The following DUSP10 variants were observed in gnomAD, a reference collection of about 807,000 sequenced individuals.
The protein encoded by DUSP10 is dual specificity protein phosphatase 10.
In DUSP10, 14 loss-of-function variants were observed where a neutral mutation model predicts 30.8. The ratio of observed to expected loss-of-function variants is 0.46; its 90% confidence interval spans 0.30 to 0.71. The LOEUF is 0.71. Ranked by LOEUF, DUSP10 falls within the 30% of genes least tolerant of loss-of-function variation. The pLI is 0.08. For synonymous variants in DUSP10, 254 were observed against 250.4 expected (o/e 1.01, Z -0.14); for missense variants, 550 against 619.4 (o/e 0.89, Z 1.19).
intron 2 of DUSP10, among the ~76,000 whole-genome samples, chr1:221,726,615 G>A (rs1424529479): frequency 6.7e-6 from 1 of 148,834 alleles, no homozygotes; most frequent in African/African-American, 2.5e-5. Context: ...TTAACAATAA[G>A]TATACATAAA....
chr1:221,719,969 G>C (rs1472696214), intron 2 of DUSP10, among the ~76,000 whole-genome samples: 2 of 152,148 alleles, frequency 1.3e-5, no homozygotes, highest in African/African-American at 4.8e-5. Flanking sequence ...ACAATGGCAA[G>C]AACAAAATCA....
chr1:221,709,676 C>T (rs546389982), intron 2 of DUSP10, among the ~76,000 whole-genome samples: 50 of 152,090 alleles, frequency 3.3e-4, no homozygotes, highest in South Asian at 1.2e-3. Flanking sequence ...TAAAAAACAA[C>T]GAGTGGAAGC....
intron 2 of DUSP10, among the ~76,000 whole-genome samples, chr1:221,722,992 T>A (rs1661320105): frequency 6.6e-6 from 1 of 152,090 alleles, no homozygotes; most frequent in Non-Finnish European, 1.5e-5. Context: ...GGCAAATGAT[T>A]AAAAAACACA....
At chr1:221,727,179 A>T (rs543489474) in intron 2 of DUSP10, among the ~76,000 whole-genome samples, 2 of 152,334 alleles carry the variant, frequency 1.3e-5, no homozygotes, top group Non-Finnish European at 2.9e-5. Context: ...CTCCCTTCGC[A>T]AGAAAATATA....
At chr1:221,714,402 A>C (rs1263044577) in intron 2 of DUSP10, among the ~76,000 whole-genome samples, 1 of 152,220 alleles carries the variant, frequency 6.6e-6, no homozygotes, top group East Asian at 1.9e-4. Flanking sequence ...TGTGGATGCC[A>C]GCAGGAAAGA....
chr1:221,726,633 T>C (rs1661433085), intron 2 of DUSP10, among the ~76,000 whole-genome samples: 1 of 151,802 alleles, frequency 6.6e-6, no homozygotes, highest in Non-Finnish European at 1.5e-5. Context: ...AAAGTGTTTC[T>C]GCTAAGACTT....
intron 2 of DUSP10, chr1:221,737,340 T>C: frequency 3.0e-6 from 3 of 985,372 alleles, no homozygotes; most frequent in Non-Finnish European, 3.6e-6. Context: ...AGACAAACTA[T>C]TACAAATGGG....
intron 2 of DUSP10, among the ~76,000 whole-genome samples, chr1:221,720,009 C>T (rs1661229232): frequency 6.6e-6 from 1 of 152,168 alleles, no homozygotes; most frequent in Non-Finnish European, 1.5e-5. Flanking sequence ...AGCCTGGGTG[C>T]TCTGCTTCCC....
intron 2 of DUSP10, among the ~76,000 whole-genome samples, chr1:221,731,820 G>A (rs1286928334): frequency 6.6e-6 from 1 of 151,680 alleles, no homozygotes; most frequent in Non-Finnish European, 1.5e-5. Context: ...TGTTGGCCAG[G>A]ATGGTCTCAA....
rs544686925 is a variant in DUSP10, at chr1:221,738,155, T to C, written c.811+779A>G. ...TGCTCCGAGAAGAGTGGTGAATAAT[T>C]CCTTCTGCCAGAGCTCAGTTCTGCT... On this transcript the variant is annotated intron_variant, in intron 2 of 3. Transcript: ENST00000366899. Among the ~76,000 whole-genome samples, 94 of 152,286 alleles carry C rather than the reference T, an allele frequency of 6.2e-4. 1 individual carries two copies. The highest frequency in any genetic ancestry group is 6.8e-3 in the Middle Eastern group (2 of 294).
At chr1:221,703,185 ATATG>A (rs1660656516) in intron 3 of DUSP10, among the ~76,000 whole-genome samples, 2 of 147,800 alleles carry the variant, frequency 1.4e-5, no homozygotes, top group African/African-American at 5.2e-5. Context: ...ATATATATGT[ATATG>A]TATGTGTGTG....
intron 2 of DUSP10, among the ~76,000 whole-genome samples, chr1:221,715,964 A>G (rs1661090426): frequency 7.4e-6 from 1 of 134,454 alleles, no homozygotes; most frequent in Non-Finnish European, 1.6e-5. Flanking sequence ...CTCCTCCCCA[A>G]CTCTTGCTCC....
chr1:221,736,132 A>T (rs1230916307), intron 2 of DUSP10, among the ~76,000 whole-genome samples: 1 of 152,172 alleles, frequency 6.6e-6, no homozygotes, highest in Non-Finnish European at 1.5e-5. Context: ...GTTTCTTCCC[A>T]ACCTGACACA....
intron 2 of DUSP10, among the ~76,000 whole-genome samples, chr1:221,730,200 TC>T (rs1429621641): frequency 6.6e-6 from 1 of 152,160 alleles, no homozygotes; most frequent in African/African-American, 2.4e-5. Context: ...GATTATTTCT[TC>T]CATAAAATAA....
chr1:221,715,148 G>A (rs1214009026), intron 2 of DUSP10, among the ~76,000 whole-genome samples: 1 of 152,042 alleles, frequency 6.6e-6, no homozygotes, highest in Non-Finnish European at 1.5e-5. Context: ...CCTTTGCCAT[G>A]CCCTCAATAG....
At chr1:221,715,185 C>T (rs1661061511) in intron 2 of DUSP10, among the ~76,000 whole-genome samples, 1 of 152,174 alleles carries the variant, frequency 6.6e-6, no homozygotes, top group Admixed American at 6.5e-5. Flanking sequence ...TTATTGCCCA[C>T]ATATTTACCT....
chr1:221,702,129 G>A lies in DUSP10; in HGVS notation c.*283C>T. ...ATAAACTCTACAAATAGCTTAAAAG[G>A]AAAAGGGGGAGAAACAAGTTGTATT... On this transcript the variant is annotated 3_prime_UTR_variant, in exon 4 of 4. Coordinates refer to ENST00000366899, the MANE Select transcript of DUSP10 (RefSeq NM_007207.6). The surrounding 1 kb of genome is among the most constrained non-coding windows in gnomAD (Gnocchi z 4.5). The A allele has an allele frequency of 2.6e-6, 1 of 381,210 alleles. No individual in the cohort carries two copies. Among genetic ancestry groups the A allele is most frequent in the Non-Finnish European group, 4.8e-6 (1 of 208,046 alleles). The allele number at this position is 381,210 out of a possible 1,614,324, so 23.6% of individuals were successfully genotyped here. A position where few individuals can be genotyped will look rare whatever the true frequency, so the allele number is the denominator to read the frequency against.
rs1660767871 is a variant in DUSP10, at chr1:221,706,551, T to C, written c.812-85A>G. The C allele has an allele frequency of 1.5e-5, 15 of 1,026,470 alleles. No homozygotes were observed. Among genetic ancestry groups the C allele is most frequent in the South Asian group, 5.8e-5 (2 of 34,224 alleles). 63.6% of individuals were successfully genotyped at this position (1,026,470 alleles called of 1,614,324 possible). On this transcript the variant is annotated intron_variant, in intron 2 of 3. Transcript: ENST00000366899. This position sits in a 1 kb window ranked among gnomAD's most constrained non-coding sequence, Gnocchi z 4.6. ...ACCTCCCCATTAGAATGAGTTTGCA[T>C]TGTAGCTCATGCATATTTTAAATAC...
At chr1:221,714,729 C>T (rs1661047452) in intron 2 of DUSP10, among the ~76,000 whole-genome samples, 1 of 152,160 alleles carries the variant, frequency 6.6e-6, no homozygotes, top group Non-Finnish European at 1.5e-5. Context: ...GTTTTCCTTT[C>T]CCTTTCTTTT....
Sources: gnomAD v4.1 joint callset for allele counts (sites outside exome capture counted in the v4.1 genomes callset) on GRCh38, gnomAD v4.1.1 for gene constraint, Gnocchi (gnomAD v3.1) non-coding constraint, MANE v1.5 for transcripts, NCBI Gene and HGNC (gene_info 2026-07-23, HGNC 2026-07-21) for gene names.